SLC25A31: variants seen among roughly 807,000 people sequenced by gnomAD.
The protein encoded by SLC25A31 is solute carrier family 25 member 31, also known as ADP/ATP translocase 4.
In SLC25A31, 40 loss-of-function variants were observed where a neutral mutation model predicts 36.2. The ratio of observed to expected loss-of-function variants is 1.10; its 90% CI spans 0.86 to 1.44. The LOEUF (loss-of-function observed/expected upper bound fraction) is 1.44. SLC25A31 is among the 40% of genes most tolerant of loss of function. The pLI is 0.00. For synonymous variants in SLC25A31, 143 were observed against 149.7 expected (o/e 0.96, Z 0.32); for missense variants, 350 against 397.1 (o/e 0.88, Z 1.01).
intron 2 of SLC25A31, among the ~76,000 whole-genome samples, chr4:127,753,738 T>G (rs1731978866): frequency 6.6e-6 from 1 of 152,074 alleles, no homozygotes; most frequent in South Asian, 2.1e-4. Flanking sequence ...GGCAAATATT[T>G]AAGAACTAAT....
At chr4:127,752,884 G>C (rs1309601049) in intron 2 of SLC25A31, among the ~76,000 whole-genome samples, 1 of 152,118 alleles carries the variant, frequency 6.6e-6, no homozygotes, top group African/African-American at 2.4e-5. Context: ...CTGCACTTTA[G>C]ATCAAATAGA....
intron 5 of SLC25A31, 139 bp from the exon 6 acceptor site, chr4:127,773,247 G>A: frequency 1.6e-6 from 1 of 639,164 alleles, no homozygotes; most frequent in Non-Finnish European, 2.4e-6. Flanking sequence ...TAACCACCAG[G>A]GACAGTAGCC....
chr4:127,740,536 A>G (rs1731713299), intron 1 of SLC25A31, among the ~76,000 whole-genome samples: 1 of 152,166 alleles, frequency 6.6e-6, no homozygotes, highest in Non-Finnish European at 1.5e-5. Flanking sequence ...TTACTGGGAG[A>G]AAGGATGCGC....
At chr4:127,772,791 T>C (rs1262398114) in intron 5 of SLC25A31, among the ~76,000 whole-genome samples, 1 of 150,776 alleles carries the variant, frequency 6.6e-6, no homozygotes, top group East Asian at 1.9e-4. Context: ...TTTTTCTTTT[T>C]TTTTTTTTGA....
intron 2 of SLC25A31, among the ~76,000 whole-genome samples, chr4:127,755,530 A>T (rs1207734939): frequency 1.3e-5 from 2 of 152,244 alleles, no homozygotes; most frequent in African/African-American, 2.4e-5. Flanking sequence ...GACAACAGGT[A>T]CATGAAAAAA....
intron 2 of SLC25A31, among the ~76,000 whole-genome samples, chr4:127,751,569 A>G (rs894427456): frequency 1.3e-5 from 2 of 152,244 alleles, no homozygotes; most frequent in African/African-American, 4.8e-5. Flanking sequence ...AAAATTGACA[A>G]ATGGGATCTA....
In SLC25A31 at chr4:127,740,815, A is replaced by G. The variant is rs547469493; in HGVS notation, c.233-3857A>G. ...TGAATGCCTGGAGATCTGCCTGTGT[A>G]TAAAGCAGAGAGGGCCCCACTGCAC... On this transcript the variant is annotated intron_variant, in intron 1 of 5. Transcript: ENST00000281154. 3.3e-5 allele frequency among the ~76,000 whole-genome samples: 5 copies of G among 152,200 alleles called. 1 individual carries two copies. In the East Asian group the frequency reaches 7.7e-4, roughly 24 times the overall value.
chr4:127,761,032 G>A (rs898546245), intron 2 of SLC25A31, among the ~76,000 whole-genome samples: 5 of 152,052 alleles, frequency 3.3e-5, no homozygotes, highest in South Asian at 4.2e-4. Flanking sequence ...CCTTTTCTGG[G>A]TCTGTTTTAT....
rs533236396 is a variant in SLC25A31 at position 127,750,300 on chromosome 4, C to G, written c.360+5501C>G. On this transcript the variant is annotated intron_variant, in intron 2 of 5. Coordinates refer to ENST00000281154, the MANE Select transcript of SLC25A31 (RefSeq NM_031291.4). ...TACAGTAGGGTTACATCATGATAAA[C>G]TCATAAGTGGAAAATATTAAGTCAA... 1.8e-3 allele frequency among the ~76,000 whole-genome samples: 278 copies of G among 152,284 alleles called. 1 individual carries two copies. The highest frequency in any genetic ancestry group is 6.3e-3 in the African/African-American group (261 of 41,556).
intron 3 of SLC25A31, among the ~76,000 whole-genome samples, chr4:127,765,612 A>AC (rs1732226425): frequency 6.6e-6 from 1 of 152,078 alleles, no homozygotes; most frequent in Non-Finnish European, 1.5e-5. Context: ...TTCACACCCC[A>AC]CCCCCCATGT....
At chr4:127,762,841 G>A (rs1336213591) in intron 2 of SLC25A31, among the ~76,000 whole-genome samples, 1 of 151,576 alleles carries the variant, frequency 6.6e-6, no homozygotes, top group Non-Finnish European at 1.5e-5. Context: ...GGAGAATGGC[G>A]TGAACCCAGG....
intron 2 of SLC25A31, among the ~76,000 whole-genome samples, chr4:127,748,248 G>A (rs1469335415): frequency 6.6e-6 from 1 of 152,150 alleles, no homozygotes; most frequent in Non-Finnish European, 1.5e-5. Context: ...GTCCCTTATA[G>A]ATCTTGAAAC....
At chr4:127,763,188 G>A (rs1474139681) in intron 2 of SLC25A31, among the ~76,000 whole-genome samples, 2 of 152,176 alleles carry the variant, frequency 1.3e-5, no homozygotes, top group Non-Finnish European at 2.9e-5. Context: ...GTATTTATGG[G>A]AAGAGGGTAT....
chr4:127,731,676 C>A (rs139426477), intron 1 of SLC25A31, among the ~76,000 whole-genome samples: 28 of 152,176 alleles, frequency 1.8e-4, no homozygotes, highest in Admixed American at 1.6e-3. Context: ...AGGAGTGAGA[C>A]CCTGTCTCAA....
In SLC25A31 at chr4:127,752,247, T is replaced by G. The variant is rs1313956126; in HGVS notation, c.360+7448T>G. ...TGGAATACTATGCAGCCATAAAAAATGATGAGTTCATGTCCTTTGTAGGGA... is the reference window on the plus strand; with the variant it reads ...TGGAATACTATGCAGCCATAAAAAAGGATGAGTTCATGTCCTTTGTAGGGA... On this transcript the variant is annotated intron_variant, in intron 2 of 5. Coordinates refer to ENST00000281154, the MANE Select transcript of SLC25A31 (RefSeq NM_031291.4). Among the ~76,000 whole-genome samples the G allele has an allele frequency of 8.5e-5, 13 of 152,090 alleles. No homozygotes were observed. The East Asian group carries it at 1.2e-3, about 14-fold the overall frequency.
intron 1 of SLC25A31, among the ~76,000 whole-genome samples, chr4:127,736,158 G>A (rs1359420701): frequency 2.6e-5 from 4 of 151,982 alleles, no homozygotes; most frequent in Non-Finnish European, 5.9e-5. Context: ...CAAAGTGCTG[G>A]GATTACAGGC....
Position 127,730,492 on chromosome 4 carries a change from A to T in SLC25A31, c.-54A>T, listed in dbSNP as rs1731493629. On this transcript the variant is annotated 5_prime_UTR_variant, in exon 1 of 6. Transcript: ENST00000281154. ...CCGGTTTTCCGCTTCCCTTCATCGTAGCTCCCGTACTCATTTTTAGCCACT... is the reference window on the plus strand; with the variant it reads ...CCGGTTTTCCGCTTCCCTTCATCGTTGCTCCCGTACTCATTTTTAGCCACT... 1 of 1,555,154 alleles carries T rather than the reference A, an allele frequency of 6.4e-7. No individual in the cohort carries two copies. The highest frequency in any genetic ancestry group is 1.4e-5 in the African/African-American group (1 of 73,680).
rs538790887 is a variant in SLC25A31, at chr4:127,763,602, A to C, written c.361-641A>C. ...TATACTTCTTCAATAGCTCATGTGA[A>C]CTAGTAGACCAGTGAGGCCTAACTT... On this transcript the variant is annotated intron_variant, in intron 2 of 5. Coordinates refer to ENST00000281154, the MANE Select transcript of SLC25A31 (RefSeq NM_031291.4). Among the ~76,000 whole-genome samples, 7 of 152,332 alleles carry C rather than the reference A, an allele frequency of 4.6e-5. 1 individual carries two copies. In the East Asian group the frequency reaches 5.8e-4, roughly 13 times the overall value.
chr4:127,743,028 C>T (rs1731759674), intron 1 of SLC25A31, among the ~76,000 whole-genome samples: 2 of 151,894 alleles, frequency 1.3e-5, no homozygotes, highest in Admixed American at 1.3e-4. Context: ...ATTTGTTTCT[C>T]CAGAAATCCA....
Sources: allele counts gnomAD v4.1 joint callset (sites outside exome capture counted in the v4.1 genomes callset), GRCh38; gene constraint gnomAD v4.1.1; transcripts MANE v1.5; gene names NCBI Gene and HGNC (gene_info 2026-07-23, HGNC 2026-07-21).